Variants in HOOK3 observed in about 807,000 individuals in gnomAD.
HOOK3 encodes protein Hook homolog 3.
HOOK3 carries 24 observed loss-of-function variants against 116.3 expected under a neutral mutation model. The observed-to-expected ratio is 0.21, with a 90% confidence interval of 0.15 to 0.29. HOOK3 has a LOEUF of 0.29. HOOK3 is among the 10% of genes least tolerant of loss of function. The pLI is 1.00. For synonymous variants in HOOK3, 275 were observed against 283.0 expected (o/e 0.97, Z 0.28); for missense variants, 632 against 830.2 (o/e 0.76, Z 2.93).
rs145161558 is a variant in HOOK3, at chr8:42,937,637, T to A, written c.268-5676T>A. Among the ~76,000 whole-genome samples, 7 of 152,256 alleles carry A rather than the reference T, an allele frequency of 4.6e-5. No homozygotes were observed. The East Asian group carries it at 1.3e-3, about 29-fold the overall frequency. ...AGAACTTACTTATTTCTGCCTTCATTTCATTATGTACCCAGTAGTCATTCA... is the reference window on the plus strand; with the variant it reads ...AGAACTTACTTATTTCTGCCTTCATATCATTATGTACCCAGTAGTCATTCA... On this transcript the variant is annotated intron_variant, in intron 4 of 21. Transcript: ENST00000307602.
chr8:43,001,422 A>G (rs1809378367), intron 16 of HOOK3, among the ~76,000 whole-genome samples: 1 of 152,158 alleles, frequency 6.6e-6, no homozygotes, highest in Non-Finnish European at 1.5e-5. Context: ...TCAAAATGAA[A>G]TGTTCCATAA....
At chr8:42,924,219 T>C (rs1270243635) in intron 2 of HOOK3, among the ~76,000 whole-genome samples, 1 of 152,114 alleles carries the variant, frequency 6.6e-6, no homozygotes, top group African/African-American at 2.4e-5. Context: ...AGGTGTTCTG[T>C]GTGTGGCCTT....
At chr8:42,911,334 C>T (rs1313806794) in intron 2 of HOOK3, among the ~76,000 whole-genome samples, 1 of 152,066 alleles carries the variant, frequency 6.6e-6, no homozygotes, top group African/African-American at 2.4e-5. Flanking sequence ...GCCTGTAATC[C>T]CAGCTACTAG....
At chr8:42,948,045 A>G (rs1423510892) in intron 5 of HOOK3, among the ~76,000 whole-genome samples, 1 of 152,190 alleles carries the variant, frequency 6.6e-6, no homozygotes, top group Non-Finnish European at 1.5e-5. Context: ...GAAAAAACAA[A>G]GATTAGTAGT....
chr8:43,015,591 A>G (rs996247383), intron 21 of HOOK3, among the ~76,000 whole-genome samples: 1 of 152,218 alleles, frequency 6.6e-6, no homozygotes, highest in Non-Finnish European at 1.5e-5. Flanking sequence ...ATAAAACTAT[A>G]TATTTAAAGA....
chr8:42,982,760 A>G (rs1286825760), intron 14 of HOOK3, 64 bp downstream of exon 14: 3 of 1,017,738 alleles, frequency 2.9e-6, no homozygotes, highest in Admixed American at 1.8e-5. Context: ...GTACTTCTCT[A>G]CAATATGAAG....
intron 4 of HOOK3, among the ~76,000 whole-genome samples, chr8:42,941,146 T>C (rs563464027): frequency 2.0e-5 from 3 of 151,590 alleles, no homozygotes; most frequent in East Asian, 2.0e-4. Context: ...GGGATTTTAC[T>C]ATGTTGGCCA....
At chr8:42,982,505 C>T (rs1040946008) in intron 13 of HOOK3, 122 bp from the exon 14 acceptor site, 13 of 675,548 alleles carry the variant, frequency 1.9e-5, no homozygotes, top group African/African-American at 1.3e-4. Context: ...ACCACTGTGA[C>T]GTGGTCCTTT....
chr8:42,904,267 T>G (rs1377578131), intron 1 of HOOK3, among the ~76,000 whole-genome samples: 1 of 151,788 alleles, frequency 6.6e-6, no homozygotes, highest in African/African-American at 2.4e-5. Context: ...TCCTGTCTCT[T>G]TCCCTCCACT....
rs1013465107 is a variant in HOOK3, at chr8:42,982,635, C to T, written c.1330C>T (p.Pro444Ser). The T allele has an allele frequency of 5.0e-6, 8 of 1,606,562 alleles. No homozygotes were observed. Among genetic ancestry groups the T allele is most frequent in the Non-Finnish European group, 6.0e-6 (7 of 1,173,290 alleles). Residue 444 changes from proline (P) to serine (S), a missense_variant, in exon 14 of 22, where the codon CCT becomes TCT. Around this residue, in one of 3 missense-constraint regions of HOOK3, gnomAD observed 483 missense variants for 648.1 expected, o/e 0.75. Coordinates refer to ENST00000307602, the MANE Select transcript of HOOK3 (RefSeq NM_032410.4). ...TGTTTGTATATTTACAGGGTTAATG[C>T]CTCTTGGAAGTCAGGAGTCTTCAGA... Reference protein sequence around the residue: ...EGQLTTQGLMPLGSQESSDSL... With the variant: ...EGQLTTQGLMSLGSQESSDSL...
intron 4 of HOOK3, among the ~76,000 whole-genome samples, chr8:42,937,352 ATTTTTT>A (rs35303192): frequency 8.8e-6 from 1 of 113,926 alleles, no homozygotes; most frequent in African/African-American, 3.3e-5. Flanking sequence ...GGATTCATTG[ATTTTTT>A]TTTTTTTTTT....
At chr8:42,952,100 C>A (rs1273782675) in intron 6 of HOOK3, among the ~76,000 whole-genome samples, 1 of 152,200 alleles carries the variant, frequency 6.6e-6, no homozygotes, top group Admixed American at 6.5e-5. Context: ...CCACAGACTG[C>A]CCACAGTTCA....
rs764472609 is a variant in HOOK3 at position 42,964,481 on chromosome 8, G to C, written c.779+7G>C. 1.2e-6 allele frequency: 2 copies of C among 1,607,178 alleles called. No homozygotes were observed. The highest frequency in any genetic ancestry group is 2.2e-5 in the East Asian group (1 of 44,830). On this transcript the variant is annotated splice_region_variant and intron_variant, in intron 9 of 21. Transcript: ENST00000307602. Reference sequence around the variant, plus strand: ...TCCAAGAAGAAACATTCAGGTAAAAGACAACTCATTAAAATCTGATTTTTA... The same window carrying C: ...TCCAAGAAGAAACATTCAGGTAAAACACAACTCATTAAAATCTGATTTTTA...
intron 1 of HOOK3, among the ~76,000 whole-genome samples, chr8:42,899,605 T>C (rs1195124633): frequency 6.6e-6 from 1 of 152,218 alleles, no homozygotes; most frequent in African/African-American, 2.4e-5. Context: ...AGCACAATTC[T>C]AAAACCAAAT....
chr8:42,922,276 T>C (rs1807672070), intron 2 of HOOK3, among the ~76,000 whole-genome samples: 2 of 152,152 alleles, frequency 1.3e-5, no homozygotes, highest in South Asian at 4.1e-4. Flanking sequence ...GTATGGTGGC[T>C]CATGCCTGTG....
intron 1 of HOOK3, among the ~76,000 whole-genome samples, chr8:42,905,400 A>G (rs1416526861): frequency 6.7e-6 from 1 of 149,054 alleles, no homozygotes; most frequent in Non-Finnish European, 1.5e-5. Context: ...GCATTGGCCT[A>G]ATCTTAAGAT....
intron 2 of HOOK3, among the ~76,000 whole-genome samples, chr8:42,909,698 C>T (rs1040742796): frequency 6.6e-6 from 1 of 152,160 alleles, no homozygotes; most frequent in Non-Finnish European, 1.5e-5. Flanking sequence ...CTCCTGGGCT[C>T]AAGCAATCCT....
At position 42,905,328 on chromosome 8, in the gene HOOK3, G is replaced by A. The variant is rs865893336; in HGVS notation, c.58-845G>A. On this transcript the variant is annotated intron_variant, in intron 1 of 21. Transcript: ENST00000307602. ...TTTTTTTTCCTGTTTCTTTTTTTGG[G>A]GGGGGGGGTGCCGTGGTGGAGGGGA... Among the ~76,000 whole-genome samples, 3 of 141,970 alleles carry A rather than the reference G, an allele frequency of 2.1e-5. No individual in the cohort carries two copies. In the East Asian group the frequency reaches 5.9e-4, roughly 28 times the overall value. The allele number at this position is 141,970 out of a possible 152,430, so 93.1% of individuals were successfully genotyped here.
intron 4 of HOOK3, among the ~76,000 whole-genome samples, chr8:42,938,338 G>C (rs1461239702): frequency 1.3e-5 from 2 of 151,468 alleles, no homozygotes; most frequent in African/African-American, 4.9e-5. Flanking sequence ...GATGGGTCTT[G>C]ACTCTTCATC....
Sources: gnomAD v4.1 joint callset for allele counts (sites outside exome capture counted in the v4.1 genomes callset) on GRCh38, gnomAD v4.1.1 for gene constraint, gnomAD v4.1.1 regional missense constraint, MANE v1.5 for transcripts, NCBI Gene and HGNC (gene_info 2026-07-23, HGNC 2026-07-21) for gene names.